The following NRP1 variants were observed in gnomAD, a reference collection of about 807,000 sequenced individuals.
NRP1 encodes the protein neuropilin-1.
A neutral mutation model predicts 106.7 loss-of-function variants in NRP1; 35 were observed. The ratio of observed to expected loss-of-function variants is 0.33; its 90% CI spans 0.25 to 0.43. The LOEUF (loss-of-function observed/expected upper bound fraction) is 0.43. Among genes scored for constraint, NRP1 ranks in the 20% least tolerant of loss-of-function variants. The probability of loss-of-function intolerance (pLI) is 1.00; values close to 1 mark genes in which losing one functional copy is unlikely to be tolerated. For missense variants in NRP1, 1,024 were observed against 1,170.4 expected, an observed-to-expected ratio of 0.87 and a Z score of 1.83; for synonymous variants, 437 against 417.9, an observed-to-expected ratio of 1.05 and a Z score of -0.56.
intron 4 of NRP1, among the ~76,000 whole-genome samples, chr10:33,262,457 C>G (rs1842635826): frequency 6.6e-6 from 1 of 152,066 alleles, no homozygotes; most frequent in Admixed American, 6.6e-5. Flanking sequence ...AATCTCAGCA[C>G]TTTGGGAGGC....
chr10:33,268,947 T>A (rs1384699286), intron 3 of NRP1, among the ~76,000 whole-genome samples: 1 of 152,232 alleles, frequency 6.6e-6, no homozygotes, highest in Non-Finnish European at 1.5e-5. Flanking sequence ...GAGCCAAATA[T>A]CTTTGAAATG....
At chr10:33,203,722 CTTTTTTTTTTTT>C (rs34343692) in intron 10 of NRP1, among the ~76,000 whole-genome samples, 10 of 68,132 alleles carry the variant, frequency 1.5e-4, no homozygotes, top group African/African-American at 2.1e-4. Context: ...TCAAAGACTG[CTTTTTTTTTTTT>C]TTTTTTTTTT....
chr10:33,232,868 G>A (rs1202995176), intron 6 of NRP1, among the ~76,000 whole-genome samples: 2 of 151,766 alleles, frequency 1.3e-5, no homozygotes, highest in Non-Finnish European at 1.5e-5. Flanking sequence ...GGCTGGTCTT[G>A]AACTCCTGAC....
chr10:33,311,142 T>C (rs1483068792), intron 2 of NRP1, among the ~76,000 whole-genome samples: 1 of 152,172 alleles, frequency 6.6e-6, no homozygotes, highest in Non-Finnish European at 1.5e-5. Context: ...AATACGCATA[T>C]GCTAGTCAAG....
intron 11 of NRP1, 116 bp downstream of exon 11, chr10:33,202,775 A>C: frequency 6.3e-7 from 1 of 1,594,260 alleles, no homozygotes; most frequent in Non-Finnish European, 8.6e-7. Context: ...GGCAGCTTCT[A>C]TTCCTGGGCA....
At chr10:33,294,993 T>G (rs1329670719) in intron 2 of NRP1, among the ~76,000 whole-genome samples, 1 of 152,240 alleles carries the variant, frequency 6.6e-6, no homozygotes, top group Non-Finnish European at 1.5e-5. Flanking sequence ...AAAGCATTCT[T>G]CAAGTGCCCC....
At chr10:33,207,980 C>A (rs1446567366) in intron 9 of NRP1, among the ~76,000 whole-genome samples, 1 of 152,042 alleles carries the variant, frequency 6.6e-6, no homozygotes, top group African/African-American at 2.4e-5. Flanking sequence ...GGGTGGAGTG[C>A]AATGATGTGA....
chr10:33,232,948 G>T (rs767220857), intron 6 of NRP1, among the ~76,000 whole-genome samples: 42 of 151,930 alleles, frequency 2.8e-4, no homozygotes, highest in Non-Finnish European at 4.1e-4. Flanking sequence ...GTGCCCAGCT[G>T]GTGACCACTT....
At position 33,207,669 on chromosome 10, in the gene NRP1, A is replaced by T; in HGVS notation, c.1662T>A (p.Phe554Leu). ...TGATGAATCGCGTGGAGAGAGCTGG[A>T]AAAGTCCGCAGCTCAGGTGTATCAT... is the stretch of plus-strand genomic sequence containing the variant. ...NNYDTPELRT[F>L]PALSTRFIRI... The change falls in exon 10 of 17, where the codon TTT becomes TTA. Residue 554 changes from phenylalanine (F) to leucine (L), a missense_variant. Physicochemically the swap from Phe to Leu is conservative, Grantham distance 22. Coordinates refer to ENST00000374867, the MANE Select transcript of NRP1 (RefSeq NM_003873.7). 1 of 1,614,132 alleles carries T rather than the reference A, an allele frequency of 6.2e-7. No homozygotes were observed. Among genetic ancestry groups the T allele is most frequent in the Non-Finnish European group, 8.5e-7 (1 of 1,180,000 alleles).
Position 33,179,894 on chromosome 10 carries a change from G to A in NRP1, c.*182C>T, listed in dbSNP as rs546290489. 2.6e-5 allele frequency: 17 copies of A among 659,744 alleles called. No individual in the cohort carries two copies. Among genetic ancestry groups the A allele is most frequent in the African/African-American group, 1.3e-4 (7 of 55,636 alleles). The allele number at this position is 659,744 out of a possible 1,614,324, so 40.9% of individuals were successfully genotyped here. ...AAAAAAGCTGACTGCACATGAGTCC[G>A]ATGGTGAACACAGCTCCTTGTCCAT... On this transcript the variant is annotated 3_prime_UTR_variant, in exon 17 of 17. Coordinates refer to ENST00000374867, the MANE Select transcript of NRP1 (RefSeq NM_003873.7).
At chr10:33,298,041 T>A (rs1043026359) in intron 2 of NRP1, among the ~76,000 whole-genome samples, 1 of 152,088 alleles carries the variant, frequency 6.6e-6, no homozygotes, top group African/African-American at 2.4e-5. Flanking sequence ...TCTTGCTCAT[T>A]TTGGCAGGCA....
intron 9 of NRP1, among the ~76,000 whole-genome samples, chr10:33,210,486 C>T (rs115785287): frequency 0.013 from 1,998 of 152,230 alleles, 48 homozygotes; most frequent in African/African-American, 0.046. Context: ...ATTATAAAAG[C>T]TGTCAGTGCA....
chr10:33,188,910 AATATATATAT>A (rs9299704), intron 13 of NRP1, among the ~76,000 whole-genome samples: 5 of 111,358 alleles, frequency 4.5e-5, no homozygotes, highest in African/African-American at 8.1e-5. Context: ...CCCTGTCTTA[AATATATATAT>A]ATATATATAT....
intron 2 of NRP1, among the ~76,000 whole-genome samples, chr10:33,318,613 T>G (rs765031941): frequency 6.6e-6 from 1 of 151,908 alleles, no homozygotes; most frequent in Non-Finnish European, 1.5e-5. Context: ...CAAAGCTGTT[T>G]CCTAAGGAAA....
At chr10:33,208,899 C>CTTTTT (rs11310131) in intron 9 of NRP1, among the ~76,000 whole-genome samples, 34 of 85,240 alleles carry the variant, frequency 4.0e-4, no homozygotes, top group African/African-American at 6.1e-4. Context: ...TTAGAGCAGC[C>CTTTTT]TTTTTTTTTT....
intron 3 of NRP1, among the ~76,000 whole-genome samples, chr10:33,267,347 G>A (rs1415362302): frequency 6.6e-6 from 1 of 152,170 alleles, no homozygotes; most frequent in Non-Finnish European, 1.5e-5. Context: ...GGGTGCCTAG[G>A]AGTAAGTGGC....
At position 33,243,196 on chromosome 10, in the gene NRP1, G is replaced by A. The variant is rs116511150; in HGVS notation, c.981+10832C>T. 3.3e-3 allele frequency among the ~76,000 whole-genome samples: 496 copies of A among 152,184 alleles called. 5 individuals are homozygous for A. Among genetic ancestry groups the A allele is most frequent in the African/African-American group, 0.012 (480 of 41,520 alleles). On this transcript the variant is annotated intron_variant, in intron 6 of 16. Coordinates refer to ENST00000374867, the MANE Select transcript of NRP1 (RefSeq NM_003873.7). ...TGTGAAATCCCCAGAGAAGCTTCCC[G>A]ATGAAGCCAACCTGAACGATTATTT...
intron 8 of NRP1, among the ~76,000 whole-genome samples, chr10:33,214,206 G>A (rs1240871315): frequency 1.3e-5 from 2 of 152,120 alleles, no homozygotes; most frequent in African/African-American, 4.8e-5. Flanking sequence ...TCCCAGGGGA[G>A]GTGGCATTTG....
At chr10:33,216,201 G>T (rs998618701) in intron 8 of NRP1, among the ~76,000 whole-genome samples, 1 of 149,690 alleles carries the variant, frequency 6.7e-6, no homozygotes, top group Non-Finnish European at 1.5e-5. Context: ...GCAGTGGGGC[G>T]ATCTTGGCTC....
Sources: gnomAD v4.1 joint callset for allele counts (sites outside exome capture counted in the v4.1 genomes callset) on GRCh38, gnomAD v4.1.1 for gene constraint, MANE v1.5 for transcripts, NCBI Gene and HGNC (gene_info 2026-07-23, HGNC 2026-07-21) for gene names.